Variants in FRMPD4 observed in about 807,000 individuals in gnomAD.
The protein encoded by FRMPD4 is FERM and PDZ domain-containing protein 4.
Under a neutral mutation model 94.1 loss-of-function variants are expected in FRMPD4, and 22 were observed. The observed-to-expected ratio is 0.23, with a 90% confidence interval of 0.17 to 0.33. FRMPD4 has a LOEUF of 0.33. Ranked by LOEUF, FRMPD4 falls within the 10% of genes least tolerant of loss-of-function variation. The probability of loss-of-function intolerance (pLI) is 1.00; values close to 1 mark genes in which losing one functional copy is unlikely to be tolerated. For synonymous variants in FRMPD4, 631 were observed against 548.6 expected, an observed-to-expected ratio of 1.15 and a Z score of -2.10; for missense variants, 1,111 against 1,339.9, an observed-to-expected ratio of 0.83 and a Z score of 2.67.
intron 1 of FRMPD4, among the ~76,000 whole-genome samples, chrX:12,299,742 G>T (rs905666693): frequency 9.0e-6 from 1 of 111,670 alleles, no homozygotes; most frequent in African/African-American, 3.3e-5. Context: ...CCTGCCCTCT[G>T]GGAACTTTTA....
At chrX:12,036,077 T>A (rs2054718958) in intron 3 of FRMPD4, among the ~76,000 whole-genome samples, 1 of 112,000 alleles carries the variant, frequency 8.9e-6, no homozygotes, top group Non-Finnish European at 1.9e-5. Flanking sequence ...CAAAGGATAA[T>A]AGATCCCTTT....
intron 1 of FRMPD4, among the ~76,000 whole-genome samples, chrX:11,849,483 A>G (rs2053607104): frequency 9.0e-6 from 1 of 111,342 alleles, no homozygotes; most frequent in African/African-American, 3.3e-5. Context: ...AAAAAGAAAA[A>G]AGTTGGGGGC....
At chrX:12,658,219 G>GA (rs1328821167) in intron 4 of FRMPD4, among the ~76,000 whole-genome samples, 2 of 111,884 alleles carry the variant, frequency 1.8e-5, no homozygotes, top group South Asian at 7.5e-4. Flanking sequence ...ATTTAAAATG[G>GA]AAAAAAACAT....
At chrX:12,213,429 T>C (rs1243598543) in intron 1 of FRMPD4, among the ~76,000 whole-genome samples, 1 of 112,030 alleles carries the variant, frequency 8.9e-6, no homozygotes, top group Admixed American at 9.5e-5. Context: ...ACATGAAAGT[T>C]GGGTGGGTGG....
At chrX:11,825,182 T>G (rs1247851954) in intron 1 of FRMPD4, among the ~76,000 whole-genome samples, 4 of 90,621 alleles carry the variant, frequency 4.4e-5, no homozygotes, top group Non-Finnish European at 6.4e-5. Flanking sequence ...CTGCAGGATG[T>G]GTCTTCTTTG....
At chrX:12,292,932 A>G (rs2054711578) in intron 1 of FRMPD4, among the ~76,000 whole-genome samples, 2 of 110,097 alleles carry the variant, frequency 1.8e-5, no homozygotes, top group South Asian at 4.0e-4. Flanking sequence ...GCATGTACAT[A>G]TACATCTTAA....
At chrX:12,021,438 C>T (rs1200272981) in intron 3 of FRMPD4, among the ~76,000 whole-genome samples, 4 of 111,058 alleles carry the variant, frequency 3.6e-5, no homozygotes, top group Admixed American at 2.9e-4. Flanking sequence ...CAAATATTAA[C>T]AAAATATTCA....
At chrX:12,440,657 G>A (rs773405247) in intron 1 of FRMPD4, among the ~76,000 whole-genome samples, 1 of 111,326 alleles carries the variant, frequency 9.0e-6, no homozygotes, top group East Asian at 2.8e-4. Context: ...ATCTGCAAAT[G>A]CAAGTCATTG....
intron 1 of FRMPD4, among the ~76,000 whole-genome samples, chrX:12,197,882 T>C (rs768764919): frequency 1.5e-4 from 17 of 112,148 alleles, no homozygotes; most frequent in African/African-American, 5.5e-4. Context: ...CTTCCAAGTA[T>C]TGAATAACTT....
intron 4 of FRMPD4, among the ~76,000 whole-genome samples, chrX:12,644,703 G>A (rs188895652): frequency 8.9e-6 from 1 of 111,885 alleles, no homozygotes; most frequent in Non-Finnish European, 1.9e-5. Flanking sequence ...TCCTTAAGCA[G>A]CAGACCCAGC....
At chrX:11,998,314 T>C (rs2054507268) in intron 3 of FRMPD4, among the ~76,000 whole-genome samples, 1 of 112,109 alleles carries the variant, frequency 8.9e-6, no homozygotes, top group Non-Finnish European at 1.9e-5. Flanking sequence ...CCCTTTCATG[T>C]GTGGACTGAA....
intron 1 of FRMPD4, among the ~76,000 whole-genome samples, chrX:12,474,774 C>A (rs1031810466): frequency 9.0e-6 from 1 of 111,576 alleles, no homozygotes; most frequent in African/African-American, 3.3e-5. Context: ...GAAGTTGAAT[C>A]TCTCAATAGA....
intron 1 of FRMPD4, among the ~76,000 whole-genome samples, chrX:12,363,000 T>C (rs944781785): frequency 2.7e-5 from 3 of 112,695 alleles, no homozygotes; most frequent in Non-Finnish European, 3.7e-5. Flanking sequence ...TGCATAAATG[T>C]CTTCTTTTGA....
intron 2 of FRMPD4, among the ~76,000 whole-genome samples, chrX:12,513,968 T>C (rs1171206341): frequency 9.0e-6 from 1 of 111,601 alleles, no homozygotes; most frequent in Non-Finnish European, 1.9e-5. Flanking sequence ...TGTTTTATTC[T>C]CTTTGTAGCA....
At chrX:12,094,180 T>C (rs979609099) in intron 3 of FRMPD4, among the ~76,000 whole-genome samples, 2 of 111,870 alleles carry the variant, frequency 1.8e-5, no homozygotes, top group Non-Finnish European at 3.8e-5. Flanking sequence ...AGGGTGACAA[T>C]TTAATAAACA....
chrX:12,303,538 G>T (rs1465761957), intron 1 of FRMPD4, among the ~76,000 whole-genome samples: 1 of 111,841 alleles, frequency 8.9e-6, no homozygotes, highest in Non-Finnish European at 1.9e-5. Context: ...TATATTTGAT[G>T]ACTATGAAAG....
At chrX:12,199,118 A>C (rs2147713603) in intron 1 of FRMPD4, among the ~76,000 whole-genome samples, 1 of 111,740 alleles carries the variant, frequency 8.9e-6, no homozygotes, top group East Asian at 2.8e-4. Context: ...ATATCTGAGA[A>C]GCAAGGGACC....
At chrX:12,124,228 T>C (rs1046302530) in intron 3 of FRMPD4, among the ~76,000 whole-genome samples, 1 of 112,506 alleles carries the variant, frequency 8.9e-6, no homozygotes, top group Non-Finnish European at 1.9e-5. Context: ...GGTTTGGTCC[T>C]GAGTTAATTG....
chrX:11,823,308 T>A lies in FRMPD4; in HGVS notation c.-161+593T>A, dbSNP rs75260158. On this transcript the variant is annotated intron_variant, in intron 1 of 18. Transcript: ENST00000640291. ...TTTATGATAATATAATAATAATAAT[T>A]ATTATTATTATTACCATTTATTGCT... Among the ~76,000 whole-genome samples the A allele has an allele frequency of 1.5e-3, 164 of 108,399 alleles. No individual in the cohort carries two copies. In the East Asian group the frequency reaches 0.019, roughly 13 times the overall value. 94.1% of individuals were successfully genotyped at this position (108,399 alleles called of 115,157 possible). A position where few individuals can be genotyped will look rare whatever the true frequency, so the allele number is the denominator to read the frequency against.
Sources: allele counts gnomAD v4.1 joint callset (sites outside exome capture counted in the v4.1 genomes callset), GRCh38; gene constraint gnomAD v4.1.1; transcripts MANE v1.5; gene names NCBI Gene and HGNC (gene_info 2026-07-23, HGNC 2026-07-21).